The following FAM171A1 variants were observed in gnomAD, a reference collection of about 807,000 sequenced individuals.
FAM171A1 encodes family with sequence similarity 171 member A1.
FAM171A1 carries 23 observed loss-of-function variants against 74.9 expected under a neutral mutation model. The observed-to-expected ratio is 0.31, with a 90% confidence interval of 0.22 to 0.44. The LOEUF (loss-of-function observed/expected upper bound fraction) is 0.44, where lower values mean the gene tolerates loss of function less well. FAM171A1 is among the 20% of genes least tolerant of loss of function. The pLI is 1.00. For synonymous variants in FAM171A1, 527 were observed against 505.7 expected (o/e 1.04, Z -0.57); for missense variants, 1,162 against 1,159.2 (o/e 1.00, Z -0.03).
At chr10:15,252,886 G>C (rs1162769751) in intron 4 of FAM171A1, among the ~76,000 whole-genome samples, 1 of 152,198 alleles carries the variant, frequency 6.6e-6, no homozygotes, top group Non-Finnish European at 1.5e-5. Flanking sequence ...TGGAAGTGGG[G>C]CACAGAAAAA....
At chr10:15,351,631 A>G (rs28688729) in intron 1 of FAM171A1, among the ~76,000 whole-genome samples, 10 of 17,422 alleles carry the variant, frequency 5.7e-4, no homozygotes, top group Non-Finnish European at 1.4e-3. Flanking sequence ...ATGCATGGAT[A>G]GATGGATGCA....
At chr10:15,341,146 A>G (rs1449248550) in intron 1 of FAM171A1, among the ~76,000 whole-genome samples, 5 of 152,222 alleles carry the variant, frequency 3.3e-5, no homozygotes, top group Non-Finnish European at 2.9e-5. Flanking sequence ...ACGGTCTAGT[A>G]GGACACGCAC....
chr10:15,357,211 A>T (rs1174121468), intron 1 of FAM171A1, among the ~76,000 whole-genome samples: 1 of 152,132 alleles, frequency 6.6e-6, no homozygotes, highest in African/African-American at 2.4e-5. Context: ...TGAACCCGGG[A>T]GGTGGAGCTT....
At chr10:15,323,390 TTG>T (rs1564278363) in intron 1 of FAM171A1, among the ~76,000 whole-genome samples, 1 of 151,946 alleles carries the variant, frequency 6.6e-6, no homozygotes, top group South Asian at 2.1e-4. Context: ...GAGGCAGGGG[TTG>T]CAGTGAGCAG....
chr10:15,240,948 G>A (rs1834356581), intron 5 of FAM171A1, among the ~76,000 whole-genome samples: 1 of 152,036 alleles, frequency 6.6e-6, no homozygotes, highest in Non-Finnish European at 1.5e-5. Flanking sequence ...GGAAGCTGAG[G>A]TAGGAGGATC....
At chr10:15,357,432 AAAT>A (rs1315754245) in intron 1 of FAM171A1, among the ~76,000 whole-genome samples, 2 of 152,224 alleles carry the variant, frequency 1.3e-5, no homozygotes, top group Non-Finnish European at 1.5e-5. Context: ...CTGTAGTAGA[AAAT>A]AATCAGAACA....
intron 1 of FAM171A1, among the ~76,000 whole-genome samples, chr10:15,317,558 C>G (rs532057755): frequency 6.6e-6 from 1 of 152,156 alleles, no homozygotes; most frequent in East Asian, 1.9e-4. Context: ...CCACGCCTGG[C>G]TAATTTTTGT....
At chr10:15,359,383 C>T (rs1835967610) in intron 1 of FAM171A1, among the ~76,000 whole-genome samples, 1 of 152,114 alleles carries the variant, frequency 6.6e-6, no homozygotes. Context: ...GTTCTAAAGT[C>T]TCAGGGAGGG....
At chr10:15,248,572 T>G in intron 5 of FAM171A1, 67 bp downstream of exon 5, 2 of 1,495,118 alleles carry the variant, frequency 1.3e-6, no homozygotes, top group Non-Finnish European at 1.8e-6. Flanking sequence ...ATGAGCTTCT[T>G]AGAAGGAAAA....
intron 1 of FAM171A1, among the ~76,000 whole-genome samples, chr10:15,345,037 T>G (rs996808200): frequency 1.3e-5 from 2 of 152,172 alleles, no homozygotes; most frequent in Non-Finnish European, 2.9e-5. Flanking sequence ...GCACAAAACT[T>G]CAGCTATCTG....
Position 15,214,551 on chromosome 10 carries a change from G to A in FAM171A1, c.1037C>T (p.Ala346Val). The stretch of plus-strand genomic sequence containing the variant: ...GTCTCTTTTGGAACTCTCCAGTCCT[G>A]CAGGGAGCTGCAGTTTTCTGTGGTG... ...RQHHRKLQLP[A>V]GLESSKRDQS... Residue 346 changes from alanine to valine, a missense_variant, in exon 8 of 8, where the codon GCA becomes GTA. Physicochemically the swap from Ala to Val is moderately conservative, Grantham distance 64 (BLOSUM62 0). Transcript: ENST00000378116. The A allele has an allele frequency of 6.2e-7, 1 of 1,612,580 alleles. No homozygotes were observed. The highest frequency in any genetic ancestry group is 2.2e-5 in the East Asian group (1 of 44,850).
chr10:15,216,096 G>C lies in FAM171A1; in HGVS notation c.886C>G (p.Gln296Glu). Reference protein sequence around the residue: ...SPPIPGPVVTQDITTYHTVFL... With the variant: ...SPPIPGPVVTEDITTYHTVFL... ...ACCGTGTGATACGTGGTAATGTCCTGTGTTACAACGGGACCTAGAAGGTCA... is the reference window on the plus strand; with the variant it reads ...ACCGTGTGATACGTGGTAATGTCCTCTGTTACAACGGGACCTAGAAGGTCA... The change falls in exon 7 of 8, where the codon CAG becomes GAG. Residue 296 changes from glutamine to glutamate, a missense_variant. Transcript: ENST00000378116. 6.3e-7 allele frequency: 1 copy of C among 1,596,836 alleles called. No homozygotes were observed. The highest frequency in any genetic ancestry group is 8.5e-7 in the Non-Finnish European group (1 of 1,175,756).
chr10:15,287,795 G>A (rs1835055826), intron 1 of FAM171A1, among the ~76,000 whole-genome samples: 1 of 152,108 alleles, frequency 6.6e-6, no homozygotes, highest in African/African-American at 2.4e-5. Flanking sequence ...GGTTTTAGGG[G>A]AACAGGTGGT....
At chr10:15,281,832 G>A (rs1834974168) in intron 2 of FAM171A1, among the ~76,000 whole-genome samples, 1 of 152,128 alleles carries the variant, frequency 6.6e-6, no homozygotes, top group Non-Finnish European at 1.5e-5. Context: ...CTGCATTCTA[G>A]CCTTGGCCAC....
chr10:15,326,529 G>A (rs372238628), intron 1 of FAM171A1, among the ~76,000 whole-genome samples: 40 of 152,100 alleles, frequency 2.6e-4, no homozygotes, highest in African/African-American at 9.4e-4. Context: ...TGGTCAGGCG[G>A]TCTCGAACTC....
intron 1 of FAM171A1, among the ~76,000 whole-genome samples, chr10:15,301,885 A>G (rs1233098796): frequency 2.0e-5 from 3 of 152,190 alleles, no homozygotes; most frequent in East Asian, 1.9e-4. Flanking sequence ...TTAGGTCACT[A>G]AAGAACCCAA....
chr10:15,321,777 T>A (rs953377838), intron 1 of FAM171A1, among the ~76,000 whole-genome samples: 1 of 152,222 alleles, frequency 6.6e-6, no homozygotes, highest in African/African-American at 2.4e-5. Context: ...GTATTTCATA[T>A]CATTACAAGC....
chr10:15,250,423 G>GCT, intron 4 of FAM171A1, among the ~76,000 whole-genome samples: 1 of 152,320 alleles, frequency 6.6e-6, no homozygotes, highest in African/African-American at 2.4e-5. Flanking sequence ...ACAATCTACT[G>GCT]CTCTAGATTC....
chr10:15,228,336 A>ATTTTT (rs71390021), intron 5 of FAM171A1, among the ~76,000 whole-genome samples: 2 of 123,960 alleles, frequency 1.6e-5, no homozygotes, highest in Admixed American at 8.7e-5. Context: ...AAGTGGGAGT[A>ATTTTT]TTTTTTTTTT....
Sources: gnomAD v4.1 joint callset for allele counts (sites outside exome capture counted in the v4.1 genomes callset) on GRCh38, gnomAD v4.1.1 for gene constraint, MANE v1.5 for transcripts, NCBI Gene and HGNC (gene_info 2026-07-23, HGNC 2026-07-21) for gene names.